Variants in ASIC2 observed in about 807,000 individuals in gnomAD.
ASIC2 encodes acid sensing ion channel subunit 2.
Under a neutral mutation model 57.3 loss-of-function variants are expected in ASIC2, and 25 were observed. The ratio of observed to expected loss-of-function variants is 0.44; its 90% CI spans 0.32 to 0.61. The LOEUF is 0.61. Ranked by LOEUF, ASIC2 falls within the 20% of genes least tolerant of loss-of-function variation. ASIC2 has a pLI of 0.06. For synonymous variants in ASIC2, 319 were observed against 307.5 expected, an observed-to-expected ratio of 1.04 and a Z score of -0.39; for missense variants, 641 against 738.1, an observed-to-expected ratio of 0.87 and a Z score of 1.52.
intron 1 of ASIC2, among the ~76,000 whole-genome samples, chr17:34,136,656 G>A (rs903680939): frequency 6.6e-6 from 1 of 152,168 alleles, no homozygotes; most frequent in African/African-American, 2.4e-5. Flanking sequence ...ATTGATTTAT[G>A]TCTTTGCCTG....
intron 1 of ASIC2, among the ~76,000 whole-genome samples, chr17:33,156,201 C>T (rs1051360438): frequency 2.6e-5 from 4 of 151,618 alleles, no homozygotes; most frequent in African/African-American, 4.8e-5. Context: ...GATCTTGGCT[C>T]ACTGCAACCT....
chr17:34,094,618 A>T (rs532673171), intron 1 of ASIC2, among the ~76,000 whole-genome samples: 15 of 152,188 alleles, frequency 9.9e-5, no homozygotes, highest in Non-Finnish European at 1.9e-4. Flanking sequence ...CACTTTGGAG[A>T]TCATGAAGCA....
intron 1 of ASIC2, among the ~76,000 whole-genome samples, chr17:34,119,200 G>A (rs1352171674): frequency 2.0e-5 from 3 of 152,068 alleles, no homozygotes; most frequent in Admixed American, 6.6e-5. Context: ...ATAATAGAAG[G>A]GTTATGGGCT....
At chr17:33,625,116 A>G (rs772454169) in intron 1 of ASIC2, among the ~76,000 whole-genome samples, 75 of 138,808 alleles carry the variant, frequency 5.4e-4, no homozygotes, top group Non-Finnish European at 1.0e-3. Context: ...ATCAAAGACA[A>G]TGTGGCCTCT....
intron 1 of ASIC2, among the ~76,000 whole-genome samples, chr17:33,833,178 T>G (rs533511233): frequency 6.6e-6 from 1 of 152,168 alleles, no homozygotes; most frequent in Non-Finnish European, 1.5e-5. Flanking sequence ...TTTTCTTTGA[T>G]GGAGGTGGTT....
chr17:33,949,339 G>A (rs906192883), intron 1 of ASIC2, among the ~76,000 whole-genome samples: 4 of 152,190 alleles, frequency 2.6e-5, no homozygotes, highest in Admixed American at 6.5e-5. Flanking sequence ...CTAGCTGTTC[G>A]CTGGCCATAG....
chr17:34,012,357 C>T (rs1253458242), intron 1 of ASIC2, among the ~76,000 whole-genome samples: 1 of 152,202 alleles, frequency 6.6e-6, no homozygotes, highest in Admixed American at 6.5e-5. Context: ...AACGTCTCAG[C>T]CTTCTCTGGT....
At chr17:33,898,273 T>A (rs1915152884) in intron 1 of ASIC2, among the ~76,000 whole-genome samples, 1 of 131,960 alleles carries the variant, frequency 7.6e-6, no homozygotes, top group Non-Finnish European at 1.6e-5. Context: ...TCTCGCTCTG[T>A]CACCCAGGCT....
At chr17:33,109,472 C>A (rs1179633094) in intron 2 of ASIC2, among the ~76,000 whole-genome samples, 2 of 152,206 alleles carry the variant, frequency 1.3e-5, no homozygotes, top group African/African-American at 2.4e-5. Context: ...GCTTCCCCAA[C>A]TCCCCAGTCT....
chr17:33,049,786 AC>A (rs2091968140), intron 3 of ASIC2, among the ~76,000 whole-genome samples: 3 of 152,214 alleles, frequency 2.0e-5, no homozygotes, highest in Admixed American at 1.3e-4. Flanking sequence ...TGAAGCATCT[AC>A]CGCAGCATTT....
chr17:33,953,421 C>T (rs1488133585), intron 1 of ASIC2, among the ~76,000 whole-genome samples: 1 of 151,976 alleles, frequency 6.6e-6, no homozygotes, highest in Non-Finnish European at 1.5e-5. Context: ...ATAATCAGTA[C>T]CCTTTATTAG....
At chr17:33,911,407 AG>A (rs1296216609) in intron 1 of ASIC2, among the ~76,000 whole-genome samples, 47 of 152,314 alleles carry the variant, frequency 3.1e-4, no homozygotes, top group African/African-American at 1.1e-3. Context: ...GGCAGCTTCC[AG>A]CTTTCTGCTG....
At chr17:33,535,939 G>T (rs989824179) in intron 1 of ASIC2, among the ~76,000 whole-genome samples, 26 of 152,242 alleles carry the variant, frequency 1.7e-4, no homozygotes, top group African/African-American at 6.3e-4. Context: ...ATTTCAGGAG[G>T]TATTTGATAT....
At chr17:33,652,627 G>T (rs773259758) in intron 1 of ASIC2, among the ~76,000 whole-genome samples, 4 of 152,130 alleles carry the variant, frequency 2.6e-5, no homozygotes, top group Non-Finnish European at 4.4e-5. Flanking sequence ...CCCTCCTTCT[G>T]CTATTTGCTT....
chr17:33,853,998 T>C (rs966477684), intron 1 of ASIC2, among the ~76,000 whole-genome samples: 3 of 152,198 alleles, frequency 2.0e-5, no homozygotes, highest in East Asian at 1.9e-4. Flanking sequence ...CATTTGCCCA[T>C]CGAAGTTAAA....
chr17:33,288,290 T>C (rs1597667243), intron 1 of ASIC2, among the ~76,000 whole-genome samples: 1 of 152,104 alleles, frequency 6.6e-6, no homozygotes, highest in South Asian at 2.1e-4. Context: ...ACCCCAGAGC[T>C]GCCTGTTGAG....
At chr17:33,452,242 C>A (rs1912277754) in intron 1 of ASIC2, among the ~76,000 whole-genome samples, 1 of 152,224 alleles carries the variant, frequency 6.6e-6, no homozygotes, top group Non-Finnish European at 1.5e-5. Flanking sequence ...TCATGCAGAT[C>A]TTGATGCTGG....
At chr17:34,104,451 C>G (rs1278713139) in intron 1 of ASIC2, among the ~76,000 whole-genome samples, 1 of 152,006 alleles carries the variant, frequency 6.6e-6, no homozygotes, top group Non-Finnish European at 1.5e-5. Context: ...AGTCTTTATG[C>G]TTTTAGTTTT....
chr17:33,856,634 G>A (rs959244465), intron 1 of ASIC2, among the ~76,000 whole-genome samples: 12 of 57,812 alleles, frequency 2.1e-4, no homozygotes, highest in East Asian at 1.1e-3. Context: ...TTTCTACACC[G>A]AGGGTTAGGA....
Sources: allele counts gnomAD v4.1 joint callset (sites outside exome capture counted in the v4.1 genomes callset), GRCh38; gene constraint gnomAD v4.1.1; transcripts MANE v1.5; gene names NCBI Gene and HGNC (gene_info 2026-07-23, HGNC 2026-07-21).